Variants in SBF2 observed in about 807,000 individuals in gnomAD.
SBF2 encodes the protein myotubularin-related protein 13.
SBF2 carries 112 observed loss-of-function variants against 225.2 expected under a neutral mutation model. That is an observed-to-expected ratio of 0.50 (90% confidence interval 0.43 to 0.58). SBF2 has a LOEUF of 0.58. Ranked by LOEUF, SBF2 falls within the 20% of genes least tolerant of loss-of-function variation. SBF2 has a pLI of 0.00. For missense variants in SBF2, 1,996 were observed against 2,206.2 expected (o/e 0.90, Z 1.91); for synonymous variants, 763 against 773.3 (o/e 0.99, Z 0.22).
intron 16 of SBF2, among the ~76,000 whole-genome samples, chr11:9,917,792 C>A (rs2134210441): frequency 6.6e-6 from 1 of 151,492 alleles, no homozygotes; most frequent in Admixed American, 6.6e-5. Context: ...GCCTAGACCA[C>A]CCTCCTCAGC....
At chr11:10,283,379 C>G (rs1216019322) in intron 1 of SBF2, among the ~76,000 whole-genome samples, 3 of 152,086 alleles carry the variant, frequency 2.0e-5, no homozygotes, top group African/African-American at 7.2e-5. Context: ...AATCAATTAT[C>G]AATTTTTACA....
intron 3 of SBF2, among the ~76,000 whole-genome samples, chr11:10,039,651 G>A (rs796242814): frequency 1.6e-4 from 25 of 151,954 alleles, no homozygotes; most frequent in African/African-American, 5.8e-4. Flanking sequence ...CTTGACATAT[G>A]GATTCAAACT....
chr11:9,883,851 C>T (rs920006560), intron 17 of SBF2, among the ~76,000 whole-genome samples: 1 of 151,996 alleles, frequency 6.6e-6, no homozygotes, highest in African/African-American at 2.4e-5. Flanking sequence ...AAAAAGGGGC[C>T]CTAAGTTATT....
chr11:10,273,102 T>C (rs1174444304), intron 1 of SBF2, among the ~76,000 whole-genome samples: 1 of 151,860 alleles, frequency 6.6e-6, no homozygotes, highest in African/African-American at 2.4e-5. Context: ...AATAAATAAA[T>C]GAATAAATAA....
Position 10,038,961 on chromosome 11 carries a change from G to A in SBF2, c.279+3883C>T, listed in dbSNP as rs377181608. On this transcript the variant is annotated intron_variant, in intron 3 of 39. Coordinates refer to ENST00000256190, the MANE Select transcript of SBF2 (RefSeq NM_030962.4). ...AGTCAATGTAAATCTATCATATTTT[G>A]CTGATTACTTAAAAAAATTTAGGAT... Among the ~76,000 whole-genome samples the A allele has an allele frequency of 3.0e-4, 45 of 151,780 alleles. No homozygotes were observed. The East Asian group carries it at 4.6e-3, about 16-fold the overall frequency.
At chr11:9,802,203 A>AT (rs538198779) in intron 32 of SBF2, among the ~76,000 whole-genome samples, 19 of 152,140 alleles carry the variant, frequency 1.2e-4, no homozygotes, top group African/African-American at 3.1e-4. Flanking sequence ...TGTATATTGG[A>AT]TTTTTTTTAA....
intron 2 of SBF2, among the ~76,000 whole-genome samples, chr11:10,190,366 G>A (rs1006421158): frequency 1.3e-5 from 2 of 152,120 alleles, no homozygotes; most frequent in Non-Finnish European, 2.9e-5. Flanking sequence ...TGTGGTTTTC[G>A]TGTATGCCTA....
At chr11:9,987,160 TA>T (rs1029269383) in intron 13 of SBF2, among the ~76,000 whole-genome samples, 8 of 151,830 alleles carry the variant, frequency 5.3e-5, no homozygotes, top group Non-Finnish European at 1.0e-4. Context: ...ATAAACAAAA[TA>T]AAAAACAGAA....
chr11:9,967,716 G>C (rs1017015122), intron 14 of SBF2, among the ~76,000 whole-genome samples: 1 of 152,126 alleles, frequency 6.6e-6, no homozygotes, highest in African/African-American at 2.4e-5. Flanking sequence ...GGGAGTTCGA[G>C]ACCAGCCTGA....
In SBF2 at chr11:9,812,712, C is replaced by T. The variant is rs375742620; in HGVS notation, c.3979-4G>A. 5.3e-5 allele frequency: 85 copies of T among 1,613,846 alleles called. No homozygotes were observed. The African/African-American group carries it at 8.3e-4, about 16-fold the overall frequency. ...AAGCAAATTCTACCTTGAAGTTCTG[C>T]GGATGAAGATTCAGAGAATTAGGCA... On this transcript the variant is annotated splice_polypyrimidine_tract_variant and splice_region_variant and intron_variant, in intron 29 of 39. Coordinates refer to ENST00000256190, the MANE Select transcript of SBF2 (RefSeq NM_030962.4).
At chr11:10,260,184 TGTTAATAAAATTA>T (rs1961284520) in intron 1 of SBF2, among the ~76,000 whole-genome samples, 1 of 152,138 alleles carries the variant, frequency 6.6e-6, no homozygotes, top group Admixed American at 6.5e-5. Context: ...ACCCATAATG[TGTTAATAAAATTA>T]GAAGTCTGCA....
At chr11:10,247,679 G>A (rs971649284) in intron 1 of SBF2, among the ~76,000 whole-genome samples, 5 of 152,050 alleles carry the variant, frequency 3.3e-5, no homozygotes, top group African/African-American at 1.2e-4. Context: ...CTGGGTGAAA[G>A]AGCAAGACTC....
At chr11:10,031,002 C>T in intron 4 of SBF2, 46 bp downstream of exon 4, 6 of 1,517,696 alleles carry the variant, frequency 4.0e-6, no homozygotes, top group South Asian at 1.1e-5. Context: ...ATTCAAGAGA[C>T]TCACACAATA....
chr11:9,788,020 C>T (rs549483636), intron 35 of SBF2: 1 of 445,918 alleles, frequency 2.2e-6, no homozygotes, highest in Non-Finnish European at 4.1e-6. Flanking sequence ...TCTCAGACAT[C>T]TGCACCCTTG....
chr11:10,217,696 A>G (rs1050730235), intron 1 of SBF2, among the ~76,000 whole-genome samples: 2 of 152,174 alleles, frequency 1.3e-5, no homozygotes, highest in East Asian at 3.9e-4. Context: ...AAAAAACTCT[A>G]AGCCTTAGAG....
intron 2 of SBF2, among the ~76,000 whole-genome samples, chr11:10,118,562 A>T (rs1337665434): frequency 6.6e-6 from 1 of 152,142 alleles, no homozygotes; most frequent in Non-Finnish European, 1.5e-5. Context: ...TTTACAAAGA[A>T]TTTAAATTCT....
chr11:9,954,398 A>G (rs1866031429), intron 16 of SBF2, among the ~76,000 whole-genome samples: 1 of 152,214 alleles, frequency 6.6e-6, no homozygotes, highest in African/African-American at 2.4e-5. Context: ...ATCCCTGTTG[A>G]TAAGTACGTT....
chr11:10,232,121 A>T (rs1958878314), intron 1 of SBF2, among the ~76,000 whole-genome samples: 1 of 152,170 alleles, frequency 6.6e-6, no homozygotes, highest in Non-Finnish European at 1.5e-5. Flanking sequence ...TGCGGGATAT[A>T]ATCTCCTGGT....
intron 1 of SBF2, among the ~76,000 whole-genome samples, chr11:10,284,956 AT>A (rs1160464164): frequency 6.6e-6 from 1 of 151,724 alleles, no homozygotes; most frequent in African/African-American, 2.4e-5. Flanking sequence ...AAATATAAAT[AT>A]TTAAAAATTC....
Sources: gnomAD v4.1 joint callset for allele counts (sites outside exome capture counted in the v4.1 genomes callset) on GRCh38, gnomAD v4.1.1 for gene constraint, MANE v1.5 for transcripts, NCBI Gene and HGNC (gene_info 2026-07-23, HGNC 2026-07-21) for gene names.